The following DLEC1 variants were observed in gnomAD, a reference collection of about 807,000 sequenced individuals.
DLEC1 encodes the protein deleted in lung and esophageal cancer protein 1.
DLEC1 carries 146 observed loss-of-function variants against 198.1 expected under a neutral mutation model. The ratio of observed to expected loss-of-function variants is 0.74; its 90% CI spans 0.64 to 0.85. DLEC1 has a LOEUF of 0.85. Ranked by LOEUF, DLEC1 falls within the 40% of genes least tolerant of loss-of-function variation. The pLI is 0.00. For missense variants in DLEC1, 2,233 were observed against 2,220.0 expected (o/e 1.01, Z -0.12); for synonymous variants, 897 against 866.8 (o/e 1.03, Z -0.61).
intron 6 of DLEC1, among the ~76,000 whole-genome samples, chr3:38,081,972 G>C (rs754097259): frequency 7.4e-6 from 1 of 134,408 alleles, no homozygotes; most frequent in Non-Finnish European, 1.6e-5. Flanking sequence ...GGTGGCTGCC[G>C]GGCGGAGAGG....
chr3:38,085,744 G>A (rs987308176), intron 8 of DLEC1, among the ~76,000 whole-genome samples: 1 of 152,152 alleles, frequency 6.6e-6, no homozygotes, highest in Non-Finnish European at 1.5e-5. Context: ...TCCCTGAGGG[G>A]ACCTGTGCCA....
chr3:38,053,638 G>A (rs1217447303), intron 2 of DLEC1, among the ~76,000 whole-genome samples: 7 of 122,402 alleles, frequency 5.7e-5, no homozygotes, highest in Non-Finnish European at 8.6e-5. Flanking sequence ...CTGCCCGGCC[G>A]CCCCTTCTGG....
At chr3:38,051,960 T>C (rs1701138944) in intron 2 of DLEC1, 1 of 167,518 alleles carries the variant, frequency 6.0e-6, no homozygotes, top group African/African-American at 2.4e-5. Context: ...CACTTAGAAA[T>C]CACACATAGA....
chr3:38,061,947 G>A lies in DLEC1; in HGVS notation c.674-222G>A, dbSNP rs541057772. ...CCACCTTGGCCTCCCAAAGTGCTGG[G>A]ATGATAGGTGTGAGCCACCACACAT... is the stretch of plus-strand genomic sequence containing the variant. On this transcript the variant is annotated intron_variant, in intron 3 of 36. Coordinates refer to ENST00000308059, the MANE Select transcript of DLEC1 (RefSeq NM_007335.4). Among the ~76,000 whole-genome samples the A allele has an allele frequency of 3.3e-5, 5 of 152,336 alleles. No individual in the cohort carries two copies. The East Asian group carries it at 9.6e-4, about 29-fold the overall frequency.
rs538480489 is a variant in DLEC1 at position 38,110,205 on chromosome 3, C to A, written c.3367C>A (p.Pro1123Thr). Residue 1123 changes from proline (P) to threonine (T), a missense_variant, in exon 23 of 37, where the codon CCA becomes ACA. Pro to Thr is a conservative substitution (Grantham distance 38). Transcript: ENST00000308059. ...TRQLILTNRS[P>T]IRTRFSLKFE... ...CCAGCTCATTCTCACCAATCGCTCCCCAATACGGACCCGTTTCTCCCTCAA... is the reference window on the plus strand; with the variant it reads ...CCAGCTCATTCTCACCAATCGCTCCACAATACGGACCCGTTTCTCCCTCAA... The A allele has an allele frequency of 6.2e-7, 1 of 1,614,232 alleles. No individual in the cohort carries two copies. The highest frequency in any genetic ancestry group is 2.2e-5 in the East Asian group (1 of 44,884).
At position 38,114,400 on chromosome 3, in the gene DLEC1, T is replaced by A. The variant is rs757600043; in HGVS notation, c.3725T>A (p.Ile1242Asn). 7.4e-6 allele frequency: 12 copies of A among 1,614,014 alleles called. No individual in the cohort carries two copies. In the South Asian group the frequency reaches 1.3e-4, roughly 18 times the overall value. The change falls in exon 26 of 37, where the codon ATC (isoleucine) becomes AAC (asparagine). Residue 1242 changes from isoleucine (I) to asparagine (N), a missense_variant. Physicochemically the swap from Ile to Asn is moderately radical, Grantham distance 149. Coordinates refer to ENST00000308059, the MANE Select transcript of DLEC1 (RefSeq NM_007335.4). ...CACATGGCAGCGGTGGGCTGCCCCATCAGCTCCCTGAGGACCACCTCCTAC... is the reference window on the plus strand; with the variant it reads ...CACATGGCAGCGGTGGGCTGCCCCAACAGCTCCCTGAGGACCACCTCCTAC... ...PVHMAAVGCP[I>N]SSLRTTSYTI...
chr3:38,053,407 G>C (rs964433138), intron 2 of DLEC1, among the ~76,000 whole-genome samples: 3 of 148,900 alleles, frequency 2.0e-5, no homozygotes, highest in Non-Finnish European at 4.4e-5. Context: ...CCGCCGCTCC[G>C]TCTGGGATGT....
chr3:38,065,283 C>T (rs554370233), intron 6 of DLEC1, among the ~76,000 whole-genome samples: 7 of 152,176 alleles, frequency 4.6e-5, no homozygotes, highest in South Asian at 4.1e-4. Context: ...GTCGAGATGG[C>T]GGCAGTACAG....
intron 6 of DLEC1, among the ~76,000 whole-genome samples, chr3:38,065,170 C>G (rs1696949374): frequency 6.6e-6 from 1 of 152,256 alleles, no homozygotes; most frequent in Non-Finnish European, 1.5e-5. Context: ...AACCCCGTCT[C>G]CACCAAAAAA....
At chr3:38,102,756 AAAC>A (rs1267348535) in intron 19 of DLEC1, among the ~76,000 whole-genome samples, 3 of 152,192 alleles carry the variant, frequency 2.0e-5, no homozygotes, top group African/African-American at 7.2e-5. Context: ...AAACAGCCCT[AAAC>A]AAACAGTGGA....
At chr3:38,120,204 A>G (rs1449279000) in intron 33 of DLEC1, among the ~76,000 whole-genome samples, 1 of 152,208 alleles carries the variant, frequency 6.6e-6, no homozygotes, top group Admixed American at 6.5e-5. Context: ...CAACTTGCTC[A>G]TGTCCCTTCC....
In DLEC1 at chr3:38,096,584, C is replaced by A. The variant is rs770207932; in HGVS notation, c.2187C>A (p.Ser729Arg). The part of the protein sequence containing the change: ...VPEPVSSEAE[S>R]LGHSSYSVDD... ...TTGTGTTTAGTTCAGAAGCGGAGAG[C>A]CTGGGGCACTCCTCCTACTCTGTGG... The change falls in exon 15 of 37, where the codon AGC becomes AGA. Residue 729 changes from serine to arginine, a missense_variant. Coordinates refer to ENST00000308059, the MANE Select transcript of DLEC1 (RefSeq NM_007335.4). 2.5e-6 allele frequency: 4 copies of A among 1,611,422 alleles called. No homozygotes were observed. The highest frequency in any genetic ancestry group is 1.3e-5 in the African/African-American group (1 of 74,790).
chr3:38,065,501 T>A (rs982435458), intron 6 of DLEC1, among the ~76,000 whole-genome samples: 11 of 152,242 alleles, frequency 7.2e-5, no homozygotes, highest in Non-Finnish European at 2.9e-5. Context: ...AATATGCAGC[T>A]TCAACAGTTA....
At chr3:38,062,912 A>G in intron 5 of DLEC1, 111 bp downstream of exon 5, 1 of 1,171,942 alleles carries the variant, frequency 8.5e-7, no homozygotes, top group Non-Finnish European at 1.2e-6. Context: ...GGGGCAGGGT[A>G]GCAGTATCAG....
At chr3:38,071,231 G>T (rs1330124554) in intron 6 of DLEC1, among the ~76,000 whole-genome samples, 1 of 152,170 alleles carries the variant, frequency 6.6e-6, no homozygotes, top group Non-Finnish European at 1.5e-5. Context: ...GAAGATACAA[G>T]GTCTGAATAA....
At chr3:38,117,123 G>A in intron 30 of DLEC1, 23 bp downstream of exon 30, 1 of 1,613,868 alleles carries the variant, frequency 6.2e-7, no homozygotes, top group South Asian at 1.1e-5. Context: ...GGCCTGGGGT[G>A]GGGGCCGCAG....
intron 2 of DLEC1, among the ~76,000 whole-genome samples, chr3:38,049,552 G>A (rs1326445645): frequency 6.6e-6 from 1 of 152,142 alleles, no homozygotes; most frequent in Admixed American, 6.5e-5. Context: ...CCAAGACCTC[G>A]CAGAGCCATG....
At position 38,054,225 on chromosome 3, in the gene DLEC1, A is replaced by C. The variant is rs543682100; in HGVS notation, c.563-5517A>C. 7.2e-5 allele frequency among the ~76,000 whole-genome samples: 11 copies of C among 152,140 alleles called. No individual in the cohort carries two copies. In the South Asian group the frequency reaches 2.3e-3, roughly 32 times the overall value. ...AAAAAAAAACAAAACAAAAAAACAA[A>C]CAAACAAACAAAAACAAAAACAAGG... On this transcript the variant is annotated intron_variant, in intron 2 of 36. Transcript: ENST00000308059.
Position 38,039,277 on chromosome 3 carries a change from G to T in DLEC1, c.52G>T (p.Glu18Ter). 6.2e-7 allele frequency: 1 copy of T among 1,613,992 alleles called. No homozygotes were observed. Among genetic ancestry groups the T allele is most frequent in the Non-Finnish European group, 8.5e-7 (1 of 1,179,924 alleles). The part of the protein sequence containing the change: ...TRRSLASRTN[E>*]CQGTMWAPTS... ...GAGGTCTTTAGCGTCCCGGACCAACGAGTGCCAGGGGACAATGTGGGCGCC... is the reference window on the plus strand; with the variant it reads ...GAGGTCTTTAGCGTCCCGGACCAACTAGTGCCAGGGGACAATGTGGGCGCC... The change falls in exon 1 of 37, where the codon GAG becomes TAG. Residue 18 changes from glutamate to a stop codon, truncating the protein, a stop_gained. Coordinates refer to ENST00000308059, the MANE Select transcript of DLEC1 (RefSeq NM_007335.4). LOFTEE classifies it high-confidence loss of function.
Sources: gnomAD v4.1 joint callset for allele counts (sites outside exome capture counted in the v4.1 genomes callset) on GRCh38, gnomAD v4.1.1 for gene constraint, MANE v1.5 for transcripts, NCBI Gene and HGNC (gene_info 2026-07-23, HGNC 2026-07-21) for gene names.